The following RABGAP1 variants were observed in gnomAD, a reference collection of about 807,000 sequenced individuals.
The protein encoded by RABGAP1 is RAB GTPase activating protein 1.
In RABGAP1, 23 loss-of-function variants were observed where a neutral mutation model predicts 137.6. That is an observed-to-expected ratio of 0.17 (90% confidence interval 0.12 to 0.24). RABGAP1 has a LOEUF of 0.24. RABGAP1 is among the 10% of genes least tolerant of loss of function. The pLI is 1.00. For missense variants in RABGAP1, 906 were observed against 1,275.8 expected (o/e 0.71, Z 4.42); for synonymous variants, 451 against 450.7 (o/e 1.00, Z -0.01).
intron 13 of RABGAP1, among the ~76,000 whole-genome samples, chr9:123,028,043 A>G (rs144247200): frequency 5.7e-4 from 87 of 152,306 alleles, no homozygotes; most frequent in Middle Eastern, 3.4e-3. Flanking sequence ...AGGTTTCCTG[A>G]ATTATAAGAC....
At chr9:123,090,053 G>C (rs528133230) in intron 20 of RABGAP1, among the ~76,000 whole-genome samples, 3 of 152,316 alleles carry the variant, frequency 2.0e-5, no homozygotes, top group Non-Finnish European at 2.9e-5. Context: ...TTTCGTCACA[G>C]TTAACAAATA....
At chr9:122,934,848 G>A in the RABGAP1 span, among the ~76,000 whole-genome samples, 15 of 152,128 alleles carry the variant, frequency 9.9e-5, no homozygotes, top group African/African-American at 2.9e-4. Flanking sequence ...CAAGCAATCC[G>A]CCTGCGTTGA....
chr9:122,973,171 A>G (rs2131693416), intron 2 of RABGAP1, among the ~76,000 whole-genome samples: 1 of 152,292 alleles, frequency 6.6e-6, no homozygotes, highest in Non-Finnish European at 1.5e-5. Context: ...CTCTTACCCA[A>G]AGATACTCTA....
intron 10 of RABGAP1, among the ~76,000 whole-genome samples, chr9:123,003,379 C>A (rs1243218215): frequency 6.6e-6 from 1 of 152,160 alleles, no homozygotes. Flanking sequence ...CCAGGACACT[C>A]TCCAGAGAAA....
intron 12 of RABGAP1, among the ~76,000 whole-genome samples, chr9:123,017,685 C>A (rs2031333324): frequency 1.3e-5 from 2 of 152,140 alleles, no homozygotes; most frequent in Non-Finnish European, 2.9e-5. Context: ...TATAAAATTA[C>A]CATTTGTAAT....
At chr9:123,014,267 T>C (rs1280515429) in intron 11 of RABGAP1, among the ~76,000 whole-genome samples, 1 of 152,252 alleles carries the variant, frequency 6.6e-6, no homozygotes, top group Non-Finnish European at 1.5e-5. Context: ...TCATATCTTA[T>C]AATCTCTAAC....
At chr9:123,087,268 T>G (rs574250695) in intron 19 of RABGAP1, among the ~76,000 whole-genome samples, 6 of 152,316 alleles carry the variant, frequency 3.9e-5, no homozygotes, top group Non-Finnish European at 7.4e-5. Context: ...TAATTCTTCC[T>G]TACCCCAGCA....
At chr9:123,008,993 G>A (rs1306891283) in intron 10 of RABGAP1, among the ~76,000 whole-genome samples, 2 of 152,190 alleles carry the variant, frequency 1.3e-5, no homozygotes, top group Admixed American at 1.3e-4. Flanking sequence ...ATAGTAAGTA[G>A]CTAAGTCAAA....
intron 13 of RABGAP1, among the ~76,000 whole-genome samples, chr9:123,056,586 T>C (rs1359642813): frequency 6.7e-6 from 1 of 149,926 alleles, no homozygotes; most frequent in African/African-American, 2.5e-5. Flanking sequence ...GACAAACAAG[T>C]GAACAAAGGT....
intron 1 of RABGAP1, among the ~76,000 whole-genome samples, chr9:122,953,511 C>G (rs1214037247): frequency 6.6e-6 from 1 of 151,854 alleles, no homozygotes; most frequent in Non-Finnish European, 1.5e-5. Flanking sequence ...AAGCAATTCT[C>G]TTGCCTCAGC....
intron 6 of RABGAP1, among the ~76,000 whole-genome samples, chr9:122,993,685 A>G (rs1451362086): frequency 6.6e-6 from 1 of 151,966 alleles, no homozygotes; most frequent in Admixed American, 6.6e-5. Flanking sequence ...TCTTTTTGAG[A>G]CGGAGTCTCG....
intron 13 of RABGAP1, among the ~76,000 whole-genome samples, chr9:123,059,394 T>C (rs1214165112): frequency 6.6e-6 from 1 of 151,788 alleles, no homozygotes; most frequent in East Asian, 1.9e-4. Flanking sequence ...CTCTACTAAA[T>C]AATTAAAAAA....
intron 13 of RABGAP1, among the ~76,000 whole-genome samples, chr9:123,046,335 G>A (rs1176497465): frequency 5.3e-5 from 8 of 152,172 alleles, no homozygotes; most frequent in Non-Finnish European, 8.8e-5. Flanking sequence ...TTAAAAATGA[G>A]TTGGTCTTAT....
Position 122,989,335 on chromosome 9 carries a change from A to C in RABGAP1, c.629A>C (p.Tyr210Ser). 1 of 1,613,798 alleles carries C rather than the reference A, an allele frequency of 6.2e-7. No individual in the cohort carries two copies. Among genetic ancestry groups the C allele is most frequent in the Non-Finnish European group, 8.5e-7 (1 of 1,179,804 alleles). The change falls in exon 5 of 26, where the codon TAC becomes TCC. Residue 210 changes from tyrosine to serine, a missense_variant. By Grantham distance (144) the Tyr-to-Ser change is moderately radical. Coordinates refer to ENST00000373647, the MANE Select transcript of RABGAP1 (RefSeq NM_012197.4). ...DPQTNTEIANYPIYKILFCVR... is the reference protein window; with the variant it reads ...DPQTNTEIANSPIYKILFCVR... ...CAGACAAACACTGAAATAGCAAACT[A>C]CCCTATCTACAAAATCCTCTTCTGT... is the stretch of plus-strand genomic sequence containing the variant.
Position 123,101,578 on chromosome 9 carries a change from G to A in RABGAP1, c.2902G>A (p.Asp968Asn). 1 of 1,613,752 alleles carries A rather than the reference G, an allele frequency of 6.2e-7. No homozygotes were observed. Among genetic ancestry groups the A allele is most frequent in the Non-Finnish European group, 8.5e-7 (1 of 1,179,854 alleles). The change falls in exon 25 of 26, where the codon GAC (aspartate) becomes AAC (asparagine). Residue 968 changes from aspartate to asparagine, a missense_variant. Transcript: ENST00000373647. ...EIEKIRQKVD[D>N]CERCREFFNK... ...CATTCAATTTCAGCAAAAAGTGGAT[G>A]ACTGTGAGCGGTGCCGGGAATTTTT...
the RABGAP1 span, among the ~76,000 whole-genome samples, chr9:122,933,932 GA>G: frequency 0.98 from 148,347 of 151,902 alleles, 72,534 homozygotes; most frequent in East Asian, 1. Flanking sequence ...TTGAATTATT[GA>G]AAAAAAAATT....
chr9:123,054,771 A>G (rs1272025145), intron 13 of RABGAP1, among the ~76,000 whole-genome samples: 4 of 152,180 alleles, frequency 2.6e-5, no homozygotes, highest in African/African-American at 7.2e-5. Context: ...TTTAAGGAAT[A>G]CTGCTCAGAT....
At chr9:123,034,600 C>G (rs371105011) in intron 13 of RABGAP1, 1 of 1,611,674 alleles carries the variant, frequency 6.2e-7, no homozygotes, top group African/African-American at 1.3e-5. Context: ...TCAGAGCAGC[C>G]ACCCTTTTTG....
chr9:123,073,418 G>C, intron 15 of RABGAP1, 134 bp from the exon 16 acceptor site: 4 of 1,116,502 alleles, frequency 3.6e-6, no homozygotes, highest in Non-Finnish European at 5.1e-6. Flanking sequence ...TTAGGCCTGA[G>C]TTTCTGCATA....
Sources: gnomAD v4.1 joint callset for allele counts (sites outside exome capture counted in the v4.1 genomes callset) on GRCh38, gnomAD v4.1.1 for gene constraint, MANE v1.5 for transcripts, NCBI Gene and HGNC (gene_info 2026-07-23, HGNC 2026-07-21) for gene names.